Variants in TM4SF19 observed in about 807,000 individuals in gnomAD.
TM4SF19 encodes transmembrane 4 L6 family member 19.
In TM4SF19, 17 loss-of-function variants were observed where a neutral mutation model predicts 21.8. The observed-to-expected ratio is 0.78, with a 90% CI of 0.53 to 1.17. The LOEUF (loss-of-function observed/expected upper bound fraction) is 1.17. Ranked by LOEUF, TM4SF19 falls within the 50% of genes most tolerant of loss-of-function variation. TM4SF19 has a pLI of 0.00. For synonymous variants in TM4SF19, 107 were observed against 106.7 expected, an observed-to-expected ratio of 1.00 and a Z score of -0.02; for missense variants, 216 against 252.1, an observed-to-expected ratio of 0.86 and a Z score of 0.97.
intron 1 of TM4SF19, among the ~76,000 whole-genome samples, chr3:196,333,414 G>C (rs1381897452): frequency 6.6e-6 from 1 of 152,134 alleles, no homozygotes; most frequent in Non-Finnish European, 1.5e-5. Flanking sequence ...AAATAGAACA[G>C]TTATAACAAC....
chr3:196,327,522 C>T lies in TM4SF19; in HGVS notation c.69G>A (p.Gly23=), dbSNP rs1727343790. Residue 23 remains glycine, a synonymous_variant, in exon 2 of 5, where the codon GGG becomes GGA. Coordinates refer to ENST00000273695, the MANE Select transcript of TM4SF19 (RefSeq NM_138461.4). ...TCSRILGLSL[G]TAALFAAGAN... is the part of the protein sequence containing the mutation. ...CCCCAGCAGCAAACAGGGCTGCAGTCCCAAGGCTCAGTCCCAGGATACGGG... is the reference window on the plus strand; with the variant it reads ...CCCCAGCAGCAAACAGGGCTGCAGTTCCAAGGCTCAGTCCCAGGATACGGG... The T allele has an allele frequency of 1.2e-6, 2 of 1,614,104 alleles. No homozygotes were observed. The highest frequency in any genetic ancestry group is 8.5e-7 in the Non-Finnish European group (1 of 1,180,036).
intron 1 of TM4SF19, 43 bp from the exon 2 acceptor site, chr3:196,327,634 G>A (rs1727354359): frequency 1.9e-6 from 3 of 1,552,770 alleles, no homozygotes; most frequent in Non-Finnish European, 1.8e-6. Flanking sequence ...CTGCTGTGGG[G>A]GGATGGGGAA....
chr3:196,327,679 C>CA lies in TM4SF19; in HGVS notation c.-1-89dup, dbSNP rs1268661772. ...AGCAGCATATCATGGGTGAGGGAAA[C>CA]AGACTACAGAAACCGCCACCTTCCA... On this transcript the variant is annotated intron_variant, in intron 1 of 4. Transcript: ENST00000273695. 5 of 1,158,692 alleles carry CA rather than the reference C, an allele frequency of 4.3e-6. No homozygotes were observed. In the Admixed American group the frequency reaches 5.9e-5, roughly 14 times the overall value. 71.8% of individuals were successfully genotyped at this position (1,158,692 alleles called of 1,614,324 possible).
At position 196,323,626 on chromosome 3, in the gene TM4SF19, C is replaced by T. The variant is rs1255343377; in HGVS notation, c.*191G>A. 1 of 1,096,118 alleles carries T rather than the reference C, an allele frequency of 9.1e-7. No homozygotes were observed. Among genetic ancestry groups the T allele is most frequent in the Non-Finnish European group, 1.3e-6 (1 of 778,466 alleles). The allele number at this position is 1,096,118 out of a possible 1,614,324, so 67.9% of individuals were successfully genotyped here. A position where few individuals can be genotyped will look rare whatever the true frequency, so the allele number is the denominator to read the frequency against. ...AGTTATTTATCCTATCCATGGATCACCTGGAAGTTTACAATGTGATTTAAA... is the reference window on the plus strand; with the variant it reads ...AGTTATTTATCCTATCCATGGATCATCTGGAAGTTTACAATGTGATTTAAA... On this transcript the variant is annotated 3_prime_UTR_variant, in exon 5 of 5. Coordinates refer to ENST00000273695, the MANE Select transcript of TM4SF19 (RefSeq NM_138461.4).
intron 1 of TM4SF19, among the ~76,000 whole-genome samples, chr3:196,335,709 A>T (rs975780991): frequency 3.9e-4 from 60 of 151,900 alleles, no homozygotes; most frequent in African/African-American, 1.4e-3. Context: ...TGCTCCTGGG[A>T]GCAGGGCGCC....
intron 1 of TM4SF19, among the ~76,000 whole-genome samples, chr3:196,332,611 G>A (rs898444132): frequency 2.0e-5 from 3 of 150,462 alleles, no homozygotes; most frequent in Non-Finnish European, 4.4e-5. Context: ...ATGTGTGTAC[G>A]TACACACACA....
intron 1 of TM4SF19, among the ~76,000 whole-genome samples, chr3:196,334,807 G>T (rs1172251683): frequency 2.2e-5 from 3 of 135,870 alleles, no homozygotes; most frequent in Non-Finnish European, 4.8e-5. Context: ...GGGAGGGTGG[G>T]GGTAGGAGAG....
intron 3 of TM4SF19, 30 bp from the exon 4 acceptor site, chr3:196,324,470 G>A: frequency 6.2e-7 from 1 of 1,611,748 alleles, no homozygotes; most frequent in Non-Finnish European, 8.5e-7. Flanking sequence ...ACTGAGCTAA[G>A]ACGGGGTCGC....
In TM4SF19 at chr3:196,324,440, C is replaced by G. The variant is rs1401862756; in HGVS notation, c.280G>C (p.Val94Leu). The G allele has an allele frequency of 1.2e-6, 2 of 1,613,790 alleles. No individual in the cohort carries two copies. Among genetic ancestry groups the G allele is most frequent in the Non-Finnish European group, 1.7e-6 (2 of 1,179,972 alleles). The change falls in exon 4 of 5, where the codon GTG becomes CTG. Residue 94 changes from valine to leucine, a missense_variant and splice_region_variant. Transcript: ENST00000273695. ...CFSKSGLCRS[V>L]LTALLSGGLA... is the part of the protein sequence containing the mutation. ...CCACCTGACAACAGAGCAGTAAGCACCTGCGGAGGGAGGAGAAACACTGAG... is the reference window on the plus strand; with the variant it reads ...CCACCTGACAACAGAGCAGTAAGCAGCTGCGGAGGGAGGAGAAACACTGAG...
At chr3:196,333,985 T>C (rs1577412310) in intron 1 of TM4SF19, among the ~76,000 whole-genome samples, 1 of 151,920 alleles carries the variant, frequency 6.6e-6, no homozygotes, top group South Asian at 2.1e-4. Context: ...CACTTGAACC[T>C]GGGAGGCAGA....
intron 1 of TM4SF19, among the ~76,000 whole-genome samples, chr3:196,333,864 C>G (rs1455396967): frequency 6.6e-6 from 1 of 152,158 alleles, no homozygotes; most frequent in African/African-American, 2.4e-5. Context: ...GAGTTCAAGA[C>G]AGCCTGGCCA....
chr3:196,324,575 T>C, intron 3 of TM4SF19, 135 bp from the exon 4 acceptor site: 1 of 782,564 alleles, frequency 1.3e-6, no homozygotes, highest in Admixed American at 2.8e-5. Context: ...CTGACTTCTC[T>C]GGTCTCAGTG....
chr3:196,334,178 C>A (rs1348790419), intron 1 of TM4SF19, among the ~76,000 whole-genome samples: 3 of 152,142 alleles, frequency 2.0e-5, no homozygotes, highest in Non-Finnish European at 4.4e-5. Flanking sequence ...ACGTCATTAC[C>A]CATCACATCA....
At chr3:196,327,362 T>G (rs1727333944) in intron 2 of TM4SF19, 28 bp downstream of exon 2, 3 of 1,607,590 alleles carry the variant, frequency 1.9e-6, no homozygotes, top group Middle Eastern at 3.3e-4. Context: ...CTTTGAGAGT[T>G]CACGTTCAGG....
chr3:196,330,348 T>C (rs938558972), intron 1 of TM4SF19, among the ~76,000 whole-genome samples: 1 of 152,128 alleles, frequency 6.6e-6, no homozygotes, highest in Non-Finnish European at 1.5e-5. Context: ...TTGCACATCA[T>C]TGCAAATGTA....
chr3:196,335,919 A>G (rs997651962), intron 1 of TM4SF19, among the ~76,000 whole-genome samples: 27 of 152,030 alleles, frequency 1.8e-4, no homozygotes, highest in African/African-American at 6.0e-4. Context: ...ACCGGGGCCC[A>G]AGGAAAGATG....
chr3:196,336,864 C>T (rs941951035), intron 1 of TM4SF19, among the ~76,000 whole-genome samples: 4 of 152,142 alleles, frequency 2.6e-5, no homozygotes, highest in African/African-American at 9.7e-5. Flanking sequence ...ACATTCTCTA[C>T]ATCTGTGTCT....
chr3:196,337,490 G>T (rs1182421053), intron 1 of TM4SF19, among the ~76,000 whole-genome samples: 1 of 152,152 alleles, frequency 6.6e-6, no homozygotes, highest in Admixed American at 6.5e-5. Context: ...CAGCTTCCTG[G>T]TAAGAGCTCA....
chr3:196,337,709 C>T (rs1159810714), intron 1 of TM4SF19, among the ~76,000 whole-genome samples: 5 of 152,292 alleles, frequency 3.3e-5, no homozygotes, highest in Non-Finnish European at 7.4e-5. Context: ...GGTCTAACAG[C>T]ACATTTGGGT....
Sources: allele counts gnomAD v4.1 joint callset (sites outside exome capture counted in the v4.1 genomes callset), GRCh38; gene constraint gnomAD v4.1.1; transcripts MANE v1.5; gene names NCBI Gene and HGNC (gene_info 2026-07-23, HGNC 2026-07-21).